Variants in UTRN observed in about 807,000 individuals in gnomAD.
UTRN encodes the protein utrophin.
In UTRN, 283 loss-of-function variants were observed where a neutral mutation model predicts 463.9. The ratio of observed to expected loss-of-function variants is 0.61; its 90% CI spans 0.55 to 0.67. UTRN has a LOEUF of 0.67. Ranked by LOEUF, UTRN falls within the 30% of genes least tolerant of loss-of-function variation. UTRN has a pLI of 0.00. For synonymous variants in UTRN, 1,442 were observed against 1,431.5 expected, an observed-to-expected ratio of 1.01 and a Z score of -0.17; for missense variants, 3,922 against 4,084.3, an observed-to-expected ratio of 0.96 and a Z score of 1.08.
chr6:144,795,587 C>T (rs1161815825), intron 63 of UTRN, among the ~76,000 whole-genome samples: 2 of 152,170 alleles, frequency 1.3e-5, no homozygotes, highest in Admixed American at 6.5e-5. Context: ...GATGGTATCT[C>T]ATTGTGGTTT....
At chr6:144,384,179 A>G (rs1371386543) in intron 2 of UTRN, among the ~76,000 whole-genome samples, 1 of 152,148 alleles carries the variant, frequency 6.6e-6, no homozygotes, top group Non-Finnish European at 1.5e-5. Flanking sequence ...TGAAAAACTG[A>G]AAATATATAC....
At chr6:144,558,031 A>G (rs1033590418) in intron 50 of UTRN, among the ~76,000 whole-genome samples, 4 of 152,206 alleles carry the variant, frequency 2.6e-5, no homozygotes, top group Admixed American at 2.6e-4. Flanking sequence ...AGGTGAAATT[A>G]CGCACATCTT....
At chr6:144,733,042 T>C (rs911843417) in intron 54 of UTRN, among the ~76,000 whole-genome samples, 1 of 152,132 alleles carries the variant, frequency 6.6e-6, no homozygotes, top group African/African-American at 2.4e-5. Context: ...GATCATCACC[T>C]TGAATGCAAA....
At chr6:144,288,826 C>T (rs957929068) in intron 1 of UTRN, among the ~76,000 whole-genome samples, 1 of 148,448 alleles carries the variant, frequency 6.7e-6, no homozygotes, top group Non-Finnish European at 1.5e-5. Flanking sequence ...GCAGTGGCAG[C>T]GATCTTGGCC....
intron 57 of UTRN, 45 bp downstream of exon 57, chr6:144,754,843 A>G (rs758176941): frequency 1.5e-5 from 23 of 1,561,024 alleles, no homozygotes; most frequent in Non-Finnish European, 1.8e-5. Flanking sequence ...TGAATGAATT[A>G]GCATTTTCTT....
chr6:144,528,553 T>C (rs1796762443), intron 41 of UTRN, among the ~76,000 whole-genome samples: 1 of 152,158 alleles, frequency 6.6e-6, no homozygotes, highest in African/African-American at 2.4e-5. Context: ...ACTGCAGTGA[T>C]TATTATTTAT....
intron 2 of UTRN, among the ~76,000 whole-genome samples, chr6:144,357,686 C>T (rs557615280): frequency 6.6e-6 from 1 of 152,378 alleles, no homozygotes; most frequent in South Asian, 2.1e-4. Context: ...GTACTTCCTG[C>T]AGAAACTCTG....
At chr6:144,497,863 TTAAAG>T (rs1317068413) in intron 33 of UTRN, among the ~76,000 whole-genome samples, 2 of 152,138 alleles carry the variant, frequency 1.3e-5, no homozygotes, top group African/African-American at 2.4e-5. Context: ...GAGGTCATAA[TTAAAG>T]TAATCAGGGA....
intron 10 of UTRN, among the ~76,000 whole-genome samples, chr6:144,436,787 T>C (rs565632476): frequency 6.9e-6 from 1 of 144,188 alleles, no homozygotes; most frequent in African/African-American, 2.5e-5. Flanking sequence ...TAAATAAATA[T>C]ATATTTATAT....
chr6:144,688,037 T>C (rs1782934842), intron 52 of UTRN, among the ~76,000 whole-genome samples: 1 of 152,164 alleles, frequency 6.6e-6, no homozygotes, highest in African/African-American at 2.4e-5. Context: ...AAAACTTTGT[T>C]CATTTCTTTT....
At chr6:144,681,134 A>G (rs2128685399) in intron 52 of UTRN, among the ~76,000 whole-genome samples, 1 of 152,264 alleles carries the variant, frequency 6.6e-6, no homozygotes, top group East Asian at 1.9e-4. Context: ...TGAGCAGATA[A>G]TTAGTTCACG....
chr6:144,724,322 G>A (rs578041682), intron 53 of UTRN, among the ~76,000 whole-genome samples: 2 of 138,792 alleles, frequency 1.4e-5, no homozygotes, highest in African/African-American at 2.7e-5. Flanking sequence ...TCTGCCTCCC[G>A]AGTTCAAGTG....
chr6:144,612,060 A>G (rs1176276792), intron 51 of UTRN, among the ~76,000 whole-genome samples: 2 of 152,228 alleles, frequency 1.3e-5, no homozygotes, highest in South Asian at 4.2e-4. Context: ...AAAACCCACA[A>G]ATAAACCCAC....
chr6:144,630,051 G>A (rs975802058), intron 51 of UTRN, among the ~76,000 whole-genome samples: 4 of 152,146 alleles, frequency 2.6e-5, no homozygotes, highest in African/African-American at 9.7e-5. Flanking sequence ...AGCCAGGCGT[G>A]GTGGTGGGTG....
chr6:144,473,670 A>G (rs1361648444), intron 23 of UTRN, 50 bp from the exon 24 acceptor site: 1 of 1,455,484 alleles, frequency 6.9e-7, no homozygotes, highest in African/African-American at 1.4e-5. Context: ...GAGATGTAGT[A>G]GGCTGAACGT....
intron 63 of UTRN, among the ~76,000 whole-genome samples, chr6:144,797,028 T>C (rs1430011110): frequency 6.6e-6 from 1 of 152,126 alleles, no homozygotes; most frequent in Non-Finnish European, 1.5e-5. Context: ...CCTGATAAAT[T>C]CTGCAAAGTA....
At chr6:144,466,065 T>C (rs921475475) in intron 23 of UTRN, among the ~76,000 whole-genome samples, 2 of 152,226 alleles carry the variant, frequency 1.3e-5, no homozygotes, top group African/African-American at 4.8e-5. Context: ...AGTGGATCCT[T>C]GTACATACAA....
At chr6:144,747,388 A>C (rs1018439830) in intron 54 of UTRN, among the ~76,000 whole-genome samples, 6 of 152,144 alleles carry the variant, frequency 3.9e-5, no homozygotes, top group African/African-American at 1.4e-4. Context: ...GACCTTTCTA[A>C]GCTGTCTTGA....
In UTRN at chr6:144,846,830, A is replaced by AAG; in HGVS notation, c.10293+6_10293+7dup. The AAG allele has an allele frequency of 6.2e-7, 1 of 1,614,068 alleles. No individual in the cohort carries two copies. The highest frequency in any genetic ancestry group is 1.1e-5 in the South Asian group (1 of 91,082). On this transcript the variant is annotated splice_donor_region_variant and intron_variant, in intron 74 of 74. Coordinates refer to ENST00000367545, the MANE Select transcript of UTRN (RefSeq NM_007124.3). ...CAAATGTTCCCAGCAGGCCACAGGT[A>AAG]AGAGTTAATGGCTTGGTTGGCTCTA...
Sources: gnomAD v4.1 joint callset for allele counts (sites outside exome capture counted in the v4.1 genomes callset) on GRCh38, gnomAD v4.1.1 for gene constraint, MANE v1.5 for transcripts, NCBI Gene and HGNC (gene_info 2026-07-23, HGNC 2026-07-21) for gene names.